TBC1D4: variants seen among roughly 807,000 people sequenced by gnomAD.
TBC1D4 encodes TBC (Tre-2, BUB2, CDC16) domain-containing protein.
In TBC1D4, 121 loss-of-function variants were observed where a neutral mutation model predicts 142.5. The observed-to-expected ratio is 0.85, with a 90% CI of 0.73 to 0.99. The LOEUF (loss-of-function observed/expected upper bound fraction) is 0.99. TBC1D4 is among the 50% of genes least tolerant of loss of function. The probability of loss-of-function intolerance (pLI) is 0.00; values close to 1 mark genes in which losing one functional copy is unlikely to be tolerated. For synonymous variants in TBC1D4, 630 were observed against 628.2 expected, an observed-to-expected ratio of 1.00 and a Z score of -0.04; for missense variants, 1,475 against 1,606.6, an observed-to-expected ratio of 0.92 and a Z score of 1.40.
chr13:75,408,283 C>T (rs935017056), intron 1 of TBC1D4, among the ~76,000 whole-genome samples: 1 of 152,158 alleles, frequency 6.6e-6, no homozygotes, highest in Admixed American at 6.5e-5. Flanking sequence ...TGTATCAGTG[C>T]TTCATTCCTT....
At chr13:75,430,807 C>T (rs796956545) in intron 1 of TBC1D4, among the ~76,000 whole-genome samples, 39 of 152,302 alleles carry the variant, frequency 2.6e-4, no homozygotes, top group African/African-American at 8.7e-4. Flanking sequence ...CACTCTCTCT[C>T]CATCCACCCC....
At chr13:75,374,176 G>A (rs1445296749) in intron 1 of TBC1D4, among the ~76,000 whole-genome samples, 1 of 152,042 alleles carries the variant, frequency 6.6e-6, no homozygotes, top group Non-Finnish European at 1.5e-5. Context: ...CCCAGCCCAC[G>A]CCAGGCCCTG....
chr13:75,474,321 A>G (rs900220873), intron 1 of TBC1D4, among the ~76,000 whole-genome samples: 68 of 152,346 alleles, frequency 4.5e-4, no homozygotes, highest in South Asian at 2.3e-3. Context: ...GCACTTTGGG[A>G]GGCCTATGCG....
At chr13:75,384,096 A>T (rs924282339) in intron 1 of TBC1D4, among the ~76,000 whole-genome samples, 20 of 62,708 alleles carry the variant, frequency 3.2e-4, no homozygotes, top group East Asian at 1.9e-3. Flanking sequence ...AAAGTATAAT[A>T]AAAAAAAATA....
rs567178180 is a variant in TBC1D4, at chr13:75,334,006, CTGA to C, written c.1731+2912_1731+2914del. Among the ~76,000 whole-genome samples the C allele has an allele frequency of 2.5e-3, 387 of 152,276 alleles. 3 individuals are homozygous for C. The highest frequency in any genetic ancestry group is 8.7e-3 in the African/African-American group (360 of 41,560). On this transcript the variant is annotated intron_variant, in intron 8 of 20. Transcript: ENST00000377636. ...CACAGGGCTGCAATTTGTCCCACTG[CTGA>C]TGATGTTCAATTTGATCACTTGGTG...
At chr13:75,304,880 A>G (rs1278737256) in intron 15 of TBC1D4, among the ~76,000 whole-genome samples, 1 of 152,222 alleles carries the variant, frequency 6.6e-6, no homozygotes, top group East Asian at 1.9e-4. Context: ...AGTAAAATAG[A>G]GCACACAATA....
chr13:75,395,657 C>G (rs1884758126), intron 1 of TBC1D4, among the ~76,000 whole-genome samples: 2 of 151,934 alleles, frequency 1.3e-5, no homozygotes. Flanking sequence ...ATGGAGAAAC[C>G]CTATCTCTAC....
chr13:75,318,281 C>T (rs1566373084), intron 12 of TBC1D4, among the ~76,000 whole-genome samples: 1 of 152,222 alleles, frequency 6.6e-6, no homozygotes, highest in African/African-American at 2.4e-5. Flanking sequence ...TGAGCAGCAA[C>T]CTGCCTCCTA....
chr13:75,327,684 T>C lies in TBC1D4; in HGVS notation c.1806+68A>G, dbSNP rs928967549. The C allele has an allele frequency of 1.2e-5, 16 of 1,379,398 alleles. No individual in the cohort carries two copies. The African/African-American group carries it at 1.8e-4, about 16-fold the overall frequency. 85.4% of individuals were successfully genotyped at this position (1,379,398 alleles called of 1,614,324 possible). Reference sequence around the variant, plus strand: ...AGCATTCATAATAAAAAATGGAGCATGCATATTACCATATCGGTGCTGACT... The same window carrying C: ...AGCATTCATAATAAAAAATGGAGCACGCATATTACCATATCGGTGCTGACT... On this transcript the variant is annotated intron_variant, in intron 9 of 20. Transcript: ENST00000377636.
intron 1 of TBC1D4, among the ~76,000 whole-genome samples, chr13:75,368,399 T>G (rs1883039937): frequency 6.6e-6 from 1 of 152,240 alleles, no homozygotes; most frequent in Non-Finnish European, 1.5e-5. Context: ...GCTTTGTTTT[T>G]GATCCTCGGG....
At chr13:75,376,440 C>A (rs187193613) in intron 1 of TBC1D4, among the ~76,000 whole-genome samples, 10 of 148,782 alleles carry the variant, frequency 6.7e-5, no homozygotes, top group Admixed American at 4.0e-4. Flanking sequence ...TGCAATGGTG[C>A]GATCTTGGCT....
chr13:75,438,855 T>C (rs1338075882), intron 1 of TBC1D4, among the ~76,000 whole-genome samples: 2 of 152,208 alleles, frequency 1.3e-5, no homozygotes, highest in Non-Finnish European at 2.9e-5. Flanking sequence ...ATGTCTTGTT[T>C]AAGGTAATTT....
Position 75,302,373 on chromosome 13 carries a change from A to C in TBC1D4, c.2781T>G (p.Ile927Met). ...GGTACTGTAAAGCCAGAAACTGCCA[A>C]ATTTCTCCTCGTCGACTTTTGGGAA... ...EGVPKSRRGE[I>M]WQFLALQYRL... Residue 927 changes from isoleucine to methionine, a missense_variant, in exon 16 of 21, where the codon ATT (isoleucine) becomes ATG (methionine). Around this residue, in one of 2 missense-constraint regions of TBC1D4, gnomAD observed 1,227 missense variants for 1,267.7 expected, o/e 0.97. Coordinates refer to ENST00000377636, the MANE Select transcript of TBC1D4 (RefSeq NM_014832.5). 1 of 1,614,124 alleles carries C rather than the reference A, an allele frequency of 6.2e-7. No individual in the cohort carries two copies. The highest frequency in any genetic ancestry group is 1.3e-5 in the African/African-American group (1 of 75,040).
Position 75,284,678 on chromosome 13 carries a change from T to C in TBC1D4, c.*2114A>G, listed in dbSNP as rs1022147497. ...AAGTAACAGTATACGTCAAGAAAGC[T>C]GCAGCAATATATTTATTGCAAAGGA... On this transcript the variant is annotated 3_prime_UTR_variant, in exon 21 of 21. Coordinates refer to ENST00000377636, the MANE Select transcript of TBC1D4 (RefSeq NM_014832.5). 2.0e-5 allele frequency: 3 copies of C among 152,188 alleles called. No homozygotes were observed. The highest frequency in any genetic ancestry group is 4.4e-5 in the Non-Finnish European group (3 of 68,034). The allele number at this position is 152,188 out of a possible 1,614,324, so 9.4% of individuals were successfully genotyped here. A position where few individuals can be genotyped will look rare whatever the true frequency, so the allele number is the denominator to read the frequency against.
At chr13:75,471,250 G>A (rs1424997370) in intron 1 of TBC1D4, among the ~76,000 whole-genome samples, 1 of 152,070 alleles carries the variant, frequency 6.6e-6, no homozygotes, top group Non-Finnish European at 1.5e-5. Context: ...TAGGCATTAG[G>A]TGACAGTCTC....
chr13:75,382,048 G>A (rs775396740), intron 1 of TBC1D4, among the ~76,000 whole-genome samples: 27 of 152,102 alleles, frequency 1.8e-4, no homozygotes, highest in Non-Finnish European at 3.8e-4. Context: ...TTTTTAGGAT[G>A]GGGAATCTCC....
intron 1 of TBC1D4, among the ~76,000 whole-genome samples, chr13:75,431,518 T>G (rs1276946937): frequency 2.0e-5 from 3 of 152,184 alleles, no homozygotes; most frequent in African/African-American, 7.2e-5. Flanking sequence ...TAATTTCTAC[T>G]TGGTGCCTGG....
At chr13:75,384,601 C>T (rs1338023387) in intron 1 of TBC1D4, among the ~76,000 whole-genome samples, 3 of 150,484 alleles carry the variant, frequency 2.0e-5, no homozygotes, top group African/African-American at 4.9e-5. Context: ...AAAAGGTTGC[C>T]ACCGCAAAAT....
chr13:75,438,729 G>A (rs75073868), intron 1 of TBC1D4, among the ~76,000 whole-genome samples: 2,966 of 152,160 alleles, frequency 0.019, 103 homozygotes, highest in African/African-American at 0.065. Context: ...CGACCTCAAC[G>A]TCTATAGATA....
Sources: allele counts gnomAD v4.1 joint callset (sites outside exome capture counted in the v4.1 genomes callset), GRCh38; gene constraint gnomAD v4.1.1; regional missense constraint gnomAD v4.1.1; transcripts MANE v1.5; gene names NCBI Gene and HGNC (gene_info 2026-07-23, HGNC 2026-07-21).